The following SLC35F4 variants were observed in gnomAD, a reference collection of about 807,000 sequenced individuals.
The protein encoded by SLC35F4 is solute carrier family 35 member F4.
Under a neutral mutation model 44.2 loss-of-function variants are expected in SLC35F4, and 24 were observed. The observed-to-expected ratio is 0.54, with a 90% confidence interval of 0.39 to 0.76. SLC35F4 has a LOEUF of 0.76. Ranked by LOEUF, SLC35F4 falls within the 30% of genes least tolerant of loss-of-function variation. SLC35F4 has a pLI of 0.00. For missense variants in SLC35F4, 562 were observed against 586.1 expected (o/e 0.96, Z 0.42); for synonymous variants, 238 against 223.6 (o/e 1.06, Z -0.57).
chr14:57,637,466 T>G (rs1389382310), intron 1 of SLC35F4, among the ~76,000 whole-genome samples: 2 of 152,104 alleles, frequency 1.3e-5, no homozygotes, highest in Non-Finnish European at 2.9e-5. Context: ...CCTGGCCCTG[T>G]GGTGGCGAAG....
At chr14:57,592,315 T>A (rs2070240608) in intron 2 of SLC35F4, among the ~76,000 whole-genome samples, 2 of 152,234 alleles carry the variant, frequency 1.3e-5, no homozygotes, top group Admixed American at 6.5e-5. Context: ...AGCTATCTCA[T>A]AGGATTTATT....
At chr14:57,918,373 G>T (rs968950276) in intron 1 of SLC35F4, among the ~76,000 whole-genome samples, 1 of 152,142 alleles carries the variant, frequency 6.6e-6, no homozygotes, top group African/African-American at 2.4e-5. Context: ...CTGGTAAGTT[G>T]TGACTCTCTG....
rs188345981 is a variant in SLC35F4 at position 57,702,254 on chromosome 14, C to G, written c.104-108130G>C. On this transcript the variant is annotated intron_variant, in intron 1 of 7. Transcript: ENST00000556826. ...TAAAAACCTTTGTCCTCCTTTACCC[C>G]CCTGAATACGCACAGTTTACTATGG... Among the ~76,000 whole-genome samples, 16 of 151,754 alleles carry G rather than the reference C, an allele frequency of 1.1e-4. No homozygotes were observed. The East Asian group carries it at 2.5e-3, about 24-fold the overall frequency.
intron 1 of SLC35F4, among the ~76,000 whole-genome samples, chr14:57,679,157 A>T (rs1187577401): frequency 1.3e-5 from 2 of 152,134 alleles, no homozygotes; most frequent in Non-Finnish European, 2.9e-5. Flanking sequence ...AAAAGAATGA[A>T]AATCATAACA....
intron 1 of SLC35F4, among the ~76,000 whole-genome samples, chr14:57,699,805 T>G (rs951758013): frequency 2.0e-5 from 3 of 152,152 alleles, no homozygotes; most frequent in Non-Finnish European, 2.9e-5. Context: ...TCCATATAAA[T>G]TTATTCATTT....
rs75167982 is a variant in SLC35F4, at chr14:57,638,266, C to A, written c.104-44142G>T. On this transcript the variant is annotated intron_variant, in intron 1 of 7. Transcript: ENST00000556826. ...TTTCTCCTGATAAGAGACCACTGAC[C>A]ACAGACTGGTTCTGGCTGGTTTACA... Among the ~76,000 whole-genome samples, 790 of 152,178 alleles carry A rather than the reference C, an allele frequency of 5.2e-3. 8 individuals carry two copies. The highest frequency in any genetic ancestry group is 0.018 in the African/African-American group (738 of 41,528).
intron 1 of SLC35F4, among the ~76,000 whole-genome samples, chr14:57,649,410 C>A (rs143383548): frequency 2.6e-5 from 4 of 152,098 alleles, no homozygotes; most frequent in Non-Finnish European, 5.9e-5. Context: ...TCATGATCCC[C>A]TATCACCCCT....
chr14:57,568,637 G>A (rs552248456), intron 6 of SLC35F4, among the ~76,000 whole-genome samples: 93 of 152,250 alleles, frequency 6.1e-4, no homozygotes, highest in African/African-American at 2.2e-3. Flanking sequence ...CTGAGGGGCT[G>A]AGCCAGCATA....
intron 1 of SLC35F4, among the ~76,000 whole-genome samples, chr14:57,822,011 T>C (rs987371547): frequency 6.6e-6 from 1 of 152,184 alleles, no homozygotes; most frequent in Non-Finnish European, 1.5e-5. Context: ...GATTTGGTGC[T>C]TTAGGCTCTT....
At chr14:57,944,695 A>AAG (rs1555330016) in intron 1 of SLC35F4, among the ~76,000 whole-genome samples, 1 of 115,998 alleles carries the variant, frequency 8.6e-6, no homozygotes, top group Non-Finnish European at 1.7e-5. Flanking sequence ...AGAAAGAAAG[A>AAG]AAAGAAAGAA....
In SLC35F4 at chr14:57,833,852, T is replaced by G. The variant is rs1028196517; in HGVS notation, c.103+31871A>C. On this transcript the variant is annotated intron_variant, in intron 1 of 7. Transcript: ENST00000556826. ...ACAAATCACCTTTATGAAGACTAGC[T>G]TCACAGAAAATAATTTTTTAAATGC... Among the ~76,000 whole-genome samples the G allele has an allele frequency of 6.6e-5, 10 of 152,294 alleles. No homozygotes were observed. The East Asian group carries it at 1.9e-3, about 29-fold the overall frequency.
At chr14:57,605,004 C>T (rs1164611146) in intron 1 of SLC35F4, among the ~76,000 whole-genome samples, 1 of 151,998 alleles carries the variant, frequency 6.6e-6, no homozygotes, top group East Asian at 1.9e-4. Context: ...TATAAAAATC[C>T]TAGAAGAAAA....
intron 1 of SLC35F4, among the ~76,000 whole-genome samples, chr14:57,740,019 C>A (rs2076565763): frequency 1.3e-5 from 2 of 152,046 alleles, no homozygotes; most frequent in African/African-American, 4.8e-5. Context: ...ACCACCATGA[C>A]TGGATAATTT....
chr14:57,674,963 G>C (rs2074641796), intron 1 of SLC35F4, among the ~76,000 whole-genome samples: 1 of 152,132 alleles, frequency 6.6e-6, no homozygotes, highest in Non-Finnish European at 1.5e-5. Context: ...TTTGAAAAGA[G>C]TCTGGAACAA....
At chr14:57,771,647 G>A (rs1404312755) in intron 1 of SLC35F4, among the ~76,000 whole-genome samples, 1 of 152,144 alleles carries the variant, frequency 6.6e-6, no homozygotes, top group Non-Finnish European at 1.5e-5. Flanking sequence ...AGGCTGGAGT[G>A]CAGTGGTGTG....
At chr14:57,879,444 A>G (rs1244490894) in intron 1 of SLC35F4, among the ~76,000 whole-genome samples, 2 of 152,056 alleles carry the variant, frequency 1.3e-5, no homozygotes, top group Non-Finnish European at 2.9e-5. Context: ...CAAATGCCAC[A>G]AATGCAATAG....
intron 1 of SLC35F4, among the ~76,000 whole-genome samples, chr14:57,703,120 A>G (rs1489588235): frequency 4.6e-5 from 7 of 152,140 alleles, no homozygotes; most frequent in Non-Finnish European, 8.8e-5. Context: ...AAGCAGACCA[A>G]TTCAAGTCAG....
At chr14:57,799,699 G>A (rs757825245) in intron 1 of SLC35F4, among the ~76,000 whole-genome samples, 3 of 152,306 alleles carry the variant, frequency 2.0e-5, no homozygotes, top group Admixed American at 6.5e-5. Context: ...TGGTCAAAAC[G>A]AGGAAGGCTC....
Position 57,624,112 on chromosome 14 carries a change from G to A in SLC35F4, c.104-29988C>T, listed in dbSNP as rs556351619. Reference sequence around the variant, plus strand: ...AATAGACACAATAAAAAATGATAAAGGGGATATCACCACTGATTCCACAGA... The same window carrying A: ...AATAGACACAATAAAAAATGATAAAAGGGATATCACCACTGATTCCACAGA... On this transcript the variant is annotated intron_variant, in intron 1 of 7. Coordinates refer to ENST00000556826, the MANE Select transcript of SLC35F4 (RefSeq NM_001306087.2). Among the ~76,000 whole-genome samples, 179 of 152,202 alleles carry A rather than the reference G, an allele frequency of 1.2e-3. 1 individual carries two copies. The highest frequency in any genetic ancestry group is 4.2e-3 in the African/African-American group (176 of 41,520).
Sources: gnomAD v4.1 joint callset for allele counts (sites outside exome capture counted in the v4.1 genomes callset) on GRCh38, gnomAD v4.1.1 for gene constraint, MANE v1.5 for transcripts, NCBI Gene and HGNC (gene_info 2026-07-23, HGNC 2026-07-21) for gene names.